The following DNAH9 variants were observed in gnomAD, a reference collection of about 807,000 sequenced individuals.
DNAH9 encodes DNAH9 variant protein.
A neutral mutation model predicts 471.6 loss-of-function variants in DNAH9; 345 were observed. That is an observed-to-expected ratio of 0.73 (90% CI 0.67 to 0.80). The LOEUF (loss-of-function observed/expected upper bound fraction) is 0.80. DNAH9 is among the 30% of genes least tolerant of loss of function. The probability of loss-of-function intolerance (pLI) is 0.00; values close to 1 mark genes in which losing one functional copy is unlikely to be tolerated. For synonymous variants in DNAH9, 2,093 were observed against 2,123.6 expected (o/e 0.99, Z 0.40); for missense variants, 5,407 against 5,609.2 (o/e 0.96, Z 1.15).
chr17:11,647,372 A>G (rs541290767), intron 12 of DNAH9, among the ~76,000 whole-genome samples, 174 bp downstream of exon 12: 1 of 152,276 alleles, frequency 6.6e-6, no homozygotes, highest in East Asian at 1.9e-4. Context: ...TCCTGGGTTC[A>G]AGTGATTCTC....
intron 59 of DNAH9, among the ~76,000 whole-genome samples, 178 bp from the exon 60 acceptor site, chr17:11,902,541 C>T (rs1008617136): frequency 6.6e-6 from 1 of 152,198 alleles, no homozygotes; most frequent in Non-Finnish European, 1.5e-5. Context: ...CTTTGCTAAG[C>T]TGCTCAAAAT....
At chr17:11,724,161 T>A (rs1368917587) in intron 27 of DNAH9, among the ~76,000 whole-genome samples, 1 of 152,182 alleles carries the variant, frequency 6.6e-6, no homozygotes, top group Non-Finnish European at 1.5e-5. Flanking sequence ...ATAACCATCA[T>A]CCCAAAGATT....
Position 11,611,790 on chromosome 17 carries a change from A to G in DNAH9, c.904+10A>G. 2 of 1,613,716 alleles carry G rather than the reference A, an allele frequency of 1.2e-6. No homozygotes were observed. The highest frequency in any genetic ancestry group is 1.7e-6 in the Non-Finnish European group (2 of 1,179,544). On this transcript the variant is annotated intron_variant, in intron 4 of 68. Coordinates refer to ENST00000262442, the MANE Select transcript of DNAH9 (RefSeq NM_001372.4). ...AGAGATGTTGTTGCAGGTGAGGACCAGCAAGTGTTTTCACAAATGTGTTTG... is the reference window on the plus strand; with the variant it reads ...AGAGATGTTGTTGCAGGTGAGGACCGGCAAGTGTTTTCACAAATGTGTTTG...
rs2074035108 is a variant in DNAH9, at chr17:11,675,502, C to T, written c.3354-4255C>T. On this transcript the variant is annotated intron_variant, in intron 17 of 68. Transcript: ENST00000262442. ...GAATGAAAGTGGGGATAACATACGT[C>T]TTTGTCTTGTCTCTGATCTTAAAAG... is the stretch of plus-strand genomic sequence containing the variant. Among the ~76,000 whole-genome samples, 3 of 152,122 alleles carry T rather than the reference C, an allele frequency of 2.0e-5. No individual in the cohort carries two copies. The South Asian group carries it at 6.2e-4, about 32-fold the overall frequency.
intron 61 of DNAH9, among the ~76,000 whole-genome samples, chr17:11,908,303 CA>C (rs1973675068): frequency 6.6e-6 from 1 of 152,176 alleles, no homozygotes. Flanking sequence ...TCTTCTAAAA[CA>C]AATTTTTTAA....
intron 50 of DNAH9, among the ~76,000 whole-genome samples, chr17:11,856,543 C>CAAAAAAAAAAAAAAA (rs34782323): frequency 7.3e-6 from 1 of 137,062 alleles, no homozygotes. Context: ...ACTAAAAATA[C>CAAAAAAAAAAAAAAA]AAAAAAAAAA....
rs2072813555 is a variant in DNAH9, at chr17:11,619,649, A to G, written c.1218A>G (p.Gln406=). 6.2e-7 allele frequency: 1 copy of G among 1,614,130 alleles called. No homozygotes were observed. Among genetic ancestry groups the G allele is most frequent in the East Asian group, 2.2e-5 (1 of 44,888 alleles). ...CAGACACTTTGAGCTTCTTCAAGCA[A>G]GAGTTTCAGGACAGAAGGGAGAATC... ...VVSDTLSFFK[Q]EFQDRRENLH... is the part of the protein sequence containing the mutation. Residue 406 remains glutamine, a synonymous_variant, in exon 6 of 69, where the codon CAA becomes CAG. Transcript: ENST00000262442.
intron 1 of DNAH9, among the ~76,000 whole-genome samples, chr17:11,605,317 G>A (rs1180533821): frequency 6.6e-6 from 1 of 152,050 alleles, no homozygotes; most frequent in African/African-American, 2.4e-5. Flanking sequence ...AGAACTTACT[G>A]TTTCTTGACT....
At chr17:11,715,452 T>C (rs1472658855) in intron 26 of DNAH9, among the ~76,000 whole-genome samples, 1 of 152,170 alleles carries the variant, frequency 6.6e-6, no homozygotes, top group Non-Finnish European at 1.5e-5. Context: ...CCTAGAATAG[T>C]AAACTGTGCC....
At chr17:11,667,241 G>GTA (rs58205461) in intron 15 of DNAH9, among the ~76,000 whole-genome samples, 127 of 152,160 alleles carry the variant, frequency 8.3e-4, no homozygotes, top group African/African-American at 2.9e-3. Context: ...TATGTCATGA[G>GTA]TATATATATA....
chr17:11,834,347 A>G (rs202073041), intron 48 of DNAH9, among the ~76,000 whole-genome samples: 10 of 148,920 alleles, frequency 6.7e-5, no homozygotes, highest in African/African-American at 2.5e-4. Context: ...AAAAAAAAAA[A>G]AAGAAGAAGA....
Position 11,937,660 on chromosome 17 carries a change from T to C in DNAH9, c.12660+138T>C. 1.1e-6 allele frequency: 1 copy of C among 930,800 alleles called. No individual in the cohort carries two copies. The highest frequency in any genetic ancestry group is 1.5e-6 in the Non-Finnish European group (1 of 672,162). The allele number at this position is 930,800 out of a possible 1,614,324, so 57.7% of individuals were successfully genotyped here. The stretch of plus-strand genomic sequence containing the variant: ...GCACCAACCACCTGCAGCCTGGAGA[T>C]GCTTGCCTGTCACCGCCAAGAGCCT... On this transcript the variant is annotated intron_variant, in intron 66 of 68. Coordinates refer to ENST00000262442, the MANE Select transcript of DNAH9 (RefSeq NM_001372.4). This position sits in a 1 kb window ranked among gnomAD's most constrained non-coding sequence, Gnocchi z 4.1.
intron 45 of DNAH9, among the ~76,000 whole-genome samples, chr17:11,811,535 C>A (rs1017235067): frequency 2.0e-5 from 3 of 152,034 alleles, no homozygotes; most frequent in Non-Finnish European, 4.4e-5. Context: ...GATAGTGGAA[C>A]CTGGTGGTCA....
At chr17:11,849,807 G>A (rs1301861550) in intron 49 of DNAH9, among the ~76,000 whole-genome samples, 1 of 152,172 alleles carries the variant, frequency 6.6e-6, no homozygotes, top group African/African-American at 2.4e-5. Flanking sequence ...CCACCTGAAT[G>A]AGCAAAAGGA....
At chr17:11,745,875 A>G (rs892454892) in intron 31 of DNAH9, among the ~76,000 whole-genome samples, 3 of 152,034 alleles carry the variant, frequency 2.0e-5, no homozygotes, top group African/African-American at 2.4e-5. Flanking sequence ...GTGTGTGTGT[A>G]TGGTAAAATA....
chr17:11,855,889 C>T (rs758060910), intron 50 of DNAH9, among the ~76,000 whole-genome samples: 1 of 152,150 alleles, frequency 6.6e-6, no homozygotes, highest in Non-Finnish European at 1.5e-5. Flanking sequence ...TTCCAAAATG[C>T]CCAAACCTTA....
chr17:11,674,536 C>CT (rs887277194), intron 17 of DNAH9, among the ~76,000 whole-genome samples: 2 of 151,900 alleles, frequency 1.3e-5, no homozygotes, highest in South Asian at 2.1e-4. Context: ...TTCTACTGGA[C>CT]TTTTTTTTCC....
In DNAH9 at chr17:11,886,842, G is replaced by A; in HGVS notation, c.10989G>A (p.Val3663=). ...EVEKKVQEAK[V]TEVKINEARE... ...TCCAACAGGTCCAGGAGGCCAAGGT[G>A]ACTGAAGTGAAAATCAACGAGGCCC... Residue 3663 remains valine, a synonymous_variant, in exon 57 of 69, where the codon GTG becomes GTA. Coordinates refer to ENST00000262442, the MANE Select transcript of DNAH9 (RefSeq NM_001372.4). 1 of 1,612,018 alleles carries A rather than the reference G, an allele frequency of 6.2e-7. No individual in the cohort carries two copies. The highest frequency in any genetic ancestry group is 8.5e-7 in the Non-Finnish European group (1 of 1,179,046).
In DNAH9 at chr17:11,610,371, A is replaced by G. The variant is rs147574684; in HGVS notation, c.615-25A>G. 2.3e-4 allele frequency: 366 copies of G among 1,600,724 alleles called. 1 individual carries two copies. In the African/African-American group the frequency reaches 3.8e-3, roughly 17 times the overall value. On this transcript the variant is annotated intron_variant, in intron 2 of 68. Transcript: ENST00000262442. Reference sequence around the variant, plus strand: ...CAGGGTTTTTGTTTTTGTTGTTATCATTGTTGTTGTTTTGTCTTTCACAGC... The same window carrying G: ...CAGGGTTTTTGTTTTTGTTGTTATCGTTGTTGTTGTTTTGTCTTTCACAGC...
Sources: allele counts gnomAD v4.1 joint callset (sites outside exome capture counted in the v4.1 genomes callset), GRCh38; gene constraint gnomAD v4.1.1; non-coding constraint Gnocchi (gnomAD v3.1); transcripts MANE v1.5; gene names NCBI Gene and HGNC (gene_info 2026-07-23, HGNC 2026-07-21).